FUCA1: variants seen among roughly 807,000 people sequenced by gnomAD.
FUCA1 encodes the protein tissue alpha-L-fucosidase.
A neutral mutation model predicts 56.8 loss-of-function variants in FUCA1; 52 were observed. The observed-to-expected ratio is 0.92, with a 90% CI of 0.73 to 1.15. FUCA1 has a LOEUF of 1.15. Among genes scored for constraint, FUCA1 ranks in the 50% most tolerant of loss-of-function variants. The pLI is 0.00. For synonymous variants in FUCA1, 230 were observed against 226.6 expected (o/e 1.02, Z -0.14); for missense variants, 568 against 592.6 (o/e 0.96, Z 0.43).
intron 5 of FUCA1, among the ~76,000 whole-genome samples, chr1:23,853,767 C>G (rs539090133): frequency 5.3e-5 from 8 of 151,680 alleles, no homozygotes; most frequent in Non-Finnish European, 1.2e-4. Flanking sequence ...ACCCTACCCA[C>G]AACCCTGTGC....
chr1:23,856,864 C>T (rs866160566), intron 4 of FUCA1, among the ~76,000 whole-genome samples: 1 of 151,790 alleles, frequency 6.6e-6, no homozygotes, highest in Admixed American at 6.6e-5. Flanking sequence ...TGATGGTGTG[C>T]GCCTGTACTC....
intron 5 of FUCA1, among the ~76,000 whole-genome samples, chr1:23,852,779 T>C (rs1639292397): frequency 6.6e-6 from 1 of 152,300 alleles, no homozygotes; most frequent in South Asian, 2.1e-4. Flanking sequence ...CACTCAGTGC[T>C]CAATGGTGCC....
At chr1:23,864,321 C>A (rs1639577437) in intron 2 of FUCA1, among the ~76,000 whole-genome samples, 2 of 152,104 alleles carry the variant, frequency 1.3e-5, no homozygotes, top group Non-Finnish European at 2.9e-5. Context: ...ATCTCCTGAC[C>A]TCATGATCCA....
chr1:23,846,105 A>C lies in FUCA1; in HGVS notation c.1229T>G (p.Leu410Arg), dbSNP rs80358199. The change falls in exon 7 of 8, where the codon CTT (leucine) becomes CGT (arginine). Residue 410 changes from leucine (L) to arginine (R), a missense_variant. Leu to Arg is a moderately radical substitution (Grantham distance 102, BLOSUM62 -2). Coordinates refer to ENST00000374479, the MANE Select transcript of FUCA1 (RefSeq NM_000147.5). ...AGTTGAGGTAGTTATGGGGGATTCA[A>C]GGTTTAAGACTCCATTTTCTGGCCA... ...LHWPENGVLN[L>R]ESPITTSTTK... The C allele has an allele frequency of 3.7e-6, 6 of 1,613,962 alleles. No homozygotes were observed. Among genetic ancestry groups the C allele is most frequent in the Non-Finnish European group, 5.1e-6 (6 of 1,179,918 alleles).
chr1:23,864,353 G>A lies in FUCA1; in HGVS notation c.525-1082C>T, dbSNP rs557337969. Among the ~76,000 whole-genome samples, 29 of 152,174 alleles carry A rather than the reference G, an allele frequency of 1.9e-4. 1 individual carries two copies. In the South Asian group the frequency reaches 5.2e-3, roughly 27 times the overall value. ...TCCACCCGCCTCGGCCTCCCAAAGTGCTGGGATTACAGGCGTAAGTCACCA... is the reference window on the plus strand; with the variant it reads ...TCCACCCGCCTCGGCCTCCCAAAGTACTGGGATTACAGGCGTAAGTCACCA... On this transcript the variant is annotated intron_variant, in intron 2 of 7. Coordinates refer to ENST00000374479, the MANE Select transcript of FUCA1 (RefSeq NM_000147.5).
In FUCA1 at chr1:23,854,447, C is replaced by G. The variant is rs1483687600; in HGVS notation, c.882G>C (p.Glu294Asp). The G allele has an allele frequency of 1.9e-6, 3 of 1,613,982 alleles. No homozygotes were observed. The highest frequency in any genetic ancestry group is 3.3e-5 in the Admixed American group (2 of 59,984). ...KPQSLPDHKW[E>D]MCTSIDKFSW... Reference sequence around the variant, plus strand: ...AAAACTTGTCAATGCTGGTGCACATCTCCCACTTGTGATCTGGCAAGCTCT... The same window carrying G: ...AAAACTTGTCAATGCTGGTGCACATGTCCCACTTGTGATCTGGCAAGCTCT... Residue 294 changes from glutamate (E) to aspartate (D), a missense_variant, in exon 5 of 8, where the codon GAG becomes GAC. Physicochemically the swap from Glu to Asp is conservative, Grantham distance 45. Coordinates refer to ENST00000374479, the MANE Select transcript of FUCA1 (RefSeq NM_000147.5).
chr1:23,868,181 G>A lies in FUCA1; in HGVS notation c.106C>T (p.Arg36Cys), dbSNP rs201209052. 308 of 1,605,222 alleles carry A rather than the reference G, an allele frequency of 1.9e-4. No individual in the cohort carries two copies. The highest frequency in any genetic ancestry group is 2.5e-4 in the Non-Finnish European group (296 of 1,176,914). The change falls in exon 1 of 8, where the codon CGC (arginine) becomes TGC (cysteine). Residue 36 changes from arginine to cysteine, a missense_variant. Arg to Cys is a radical substitution (Grantham distance 180, BLOSUM62 -3). Coordinates refer to ENST00000374479, the MANE Select transcript of FUCA1 (RefSeq NM_000147.5). Reference protein sequence around the residue: ...ESVRRAQPPRRYTPDWPSLDS... With the variant: ...ESVRRAQPPRCYTPDWPSLDS... ...AGGCTCGGCCAGTCTGGGGTGTAGCGGCGCGGAGGCTGGGCCCGACGCACC... is the reference window on the plus strand; with the variant it reads ...AGGCTCGGCCAGTCTGGGGTGTAGCAGCGCGGAGGCTGGGCCCGACGCACC...
At chr1:23,859,686 T>A in intron 4 of FUCA1, 112 bp downstream of exon 4, 1 of 707,310 alleles carries the variant, frequency 1.4e-6, no homozygotes, top group South Asian at 1.5e-5. Context: ...ACTGCCCCCA[T>A]GTTGATATTC....
chr1:23,850,350 A>G (rs775966298), intron 5 of FUCA1, among the ~76,000 whole-genome samples: 1 of 151,566 alleles, frequency 6.6e-6, no homozygotes, highest in East Asian at 1.9e-4. Flanking sequence ...AGAATTCATT[A>G]TAAGAATTCA....
At chr1:23,861,170 A>C (rs1191868799) in intron 3 of FUCA1, among the ~76,000 whole-genome samples, 2 of 151,580 alleles carry the variant, frequency 1.3e-5, no homozygotes, top group Admixed American at 1.3e-4. Context: ...AAAAATACAA[A>C]AAATTAGCCG....
intron 2 of FUCA1, among the ~76,000 whole-genome samples, chr1:23,863,893 C>T (rs190593079): frequency 6.6e-6 from 1 of 151,980 alleles, no homozygotes; most frequent in Non-Finnish European, 1.5e-5. Flanking sequence ...ACCATATAGC[C>T]TTATTTTTAA....
Position 23,863,224 on chromosome 1 carries a change from G to A in FUCA1, c.572C>T (p.Pro191Leu). Reference protein sequence around the residue: ...LYHSLLEWFHPLYLLDKKNGF... With the variant: ...LYHSLLEWFHLLYLLDKKNGF... ...ATTTTTCTTATCAAGTAGATAGAGTGGATGGAACCACTCTAAGAGTGAGTG... is the reference window on the plus strand; with the variant it reads ...ATTTTTCTTATCAAGTAGATAGAGTAGATGGAACCACTCTAAGAGTGAGTG... The change falls in exon 3 of 8, where the codon CCA (proline) becomes CTA (leucine). Residue 191 changes from proline (P) to leucine (L), a missense_variant. Coordinates refer to ENST00000374479, the MANE Select transcript of FUCA1 (RefSeq NM_000147.5). The A allele has an allele frequency of 6.2e-7, 1 of 1,613,668 alleles. No homozygotes were observed. The highest frequency in any genetic ancestry group is 8.5e-7 in the Non-Finnish European group (1 of 1,179,818).
chr1:23,852,610 C>A (rs918868949), intron 5 of FUCA1, among the ~76,000 whole-genome samples: 4 of 152,210 alleles, frequency 2.6e-5, no homozygotes, highest in Middle Eastern at 3.4e-3. Flanking sequence ...CGAGTGCCTG[C>A]GATTGCAGGT....
At chr1:23,853,633 C>T (rs1265798047) in intron 5 of FUCA1, among the ~76,000 whole-genome samples, 16 of 150,802 alleles carry the variant, frequency 1.1e-4, no homozygotes, top group Admixed American at 2.6e-4. Flanking sequence ...GGGGGAAAGG[C>T]GGGGAAAGGA....
chr1:23,852,391 T>C (rs1468343421), intron 5 of FUCA1, among the ~76,000 whole-genome samples: 2 of 151,778 alleles, frequency 1.3e-5, no homozygotes, highest in Non-Finnish European at 2.9e-5. Flanking sequence ...CACTGCGCTA[T>C]TGCCTGCATG....
At chr1:23,866,765 A>G (rs1272928155) in intron 1 of FUCA1, among the ~76,000 whole-genome samples, 1 of 152,200 alleles carries the variant, frequency 6.6e-6, no homozygotes, top group African/African-American at 2.4e-5. Flanking sequence ...CTAGGACATT[A>G]TATTCCTTCC....
intron 4 of FUCA1, among the ~76,000 whole-genome samples, chr1:23,857,644 C>T (rs1308783701): frequency 4.6e-5 from 7 of 151,124 alleles, no homozygotes; most frequent in African/African-American, 1.5e-4. Context: ...TTAGAGGTGC[C>T]CACCACCACG....
chr1:23,846,275 C>CTTT (rs11456086), intron 6 of FUCA1, 102 bp from the exon 7 acceptor site: 340 of 668,032 alleles, frequency 5.1e-4, no homozygotes, highest in Non-Finnish European at 6.6e-4. Context: ...CTTTTCTTTT[C>CTTT]TTTTTTTTTT....
In FUCA1 at chr1:23,854,366, G is replaced by T; in HGVS notation, c.963C>A (p.Ile321=). 1 of 1,612,072 alleles carries T rather than the reference G, an allele frequency of 6.2e-7. No homozygotes were observed. Among genetic ancestry groups the T allele is most frequent in the Non-Finnish European group, 8.5e-7 (1 of 1,178,768 alleles). Residue 321 remains isoleucine, a synonymous_variant, in exon 5 of 8, where the codon ATC becomes ATA. Transcript: ENST00000374479. ...AACTCAAAGGTGCTCTTACCGAAAT[G>T]ATTTCAGATTCTTCTGTAACATCAG... ...ALSDVTEESE[I]ISELVQTVSL...
Sources: gnomAD v4.1 joint callset for allele counts (sites outside exome capture counted in the v4.1 genomes callset) on GRCh38, gnomAD v4.1.1 for gene constraint, MANE v1.5 for transcripts, NCBI Gene and HGNC (gene_info 2026-07-23, HGNC 2026-07-21) for gene names.